The following CYREN variants were observed in gnomAD, a reference collection of about 807,000 sequenced individuals.
CYREN encodes the protein cell cycle regulator of non-homologous end joining.
Under a neutral mutation model 9.7 loss-of-function variants are expected in CYREN, and 7 were observed. The observed-to-expected ratio is 0.72, with a 90% CI of 0.41 to 1.36. The LOEUF (loss-of-function observed/expected upper bound fraction) is 1.36. Among genes scored for constraint, CYREN ranks in the 40% most tolerant of loss-of-function variants. The probability of loss-of-function intolerance (pLI) is 0.01; values close to 1 mark genes in which losing one functional copy is unlikely to be tolerated. For missense variants in CYREN, 215 were observed against 198.1 expected (o/e 1.09, Z -0.51); for synonymous variants, 76 against 77.9 (o/e 0.98, Z 0.13).
chr7:135,168,673 A>G, intron 2 of CYREN, 113 bp downstream of exon 2: 1 of 1,454,004 alleles, frequency 6.9e-7, no homozygotes, highest in South Asian at 1.3e-5. Context: ...GATCAGACTG[A>G]AACACCCGCC....
chr7:135,152,033 T>C (rs542566104), intron 2 of CYREN, among the ~76,000 whole-genome samples: 25 of 152,238 alleles, frequency 1.6e-4, no homozygotes, highest in Non-Finnish European at 2.8e-4. Context: ...CTCAGTTTTC[T>C]CTCTATCGTA....
chr7:135,129,512 T>C (rs1828433448), intron 2 of CYREN: 12 of 772,936 alleles, frequency 1.6e-5, no homozygotes, highest in East Asian at 4.9e-5. Context: ...AGAAATTAGA[T>C]GGATATAACA....
chr7:135,165,100 C>A, downstream of CYREN: 2 of 1,395,058 alleles, frequency 1.4e-6, no homozygotes, highest in Non-Finnish European at 1.9e-6. Context: ...CCAGCTCCAG[C>A]GATGGAACCC....
intron 2 of CYREN, among the ~76,000 whole-genome samples, chr7:135,153,593 T>C (rs1042371380): frequency 9.2e-5 from 14 of 152,196 alleles, no homozygotes; most frequent in African/African-American, 3.4e-4. Context: ...GTATGGAGAT[T>C]TCTCAAAGAA....
At chr7:135,172,358 C>T (rs979456743), upstream of CYREN, among the ~76,000 whole-genome samples, 33 of 151,056 alleles carry the variant, frequency 2.2e-4, no homozygotes, top group Admixed American at 2.0e-3. Context: ...TTTTGGTACT[C>T]GGATTTTGAA....
intron 2 of CYREN, among the ~76,000 whole-genome samples, chr7:135,105,373 A>G (rs1209444405): frequency 6.6e-6 from 1 of 152,166 alleles, no homozygotes; most frequent in African/African-American, 2.4e-5. Context: ...CCCAACCTAC[A>G]TTCAAGTTTT....
At chr7:135,143,548 G>A (rs925020315) in intron 2 of CYREN, among the ~76,000 whole-genome samples, 4 of 152,112 alleles carry the variant, frequency 2.6e-5, no homozygotes, top group Non-Finnish European at 4.4e-5. Context: ...AAAACTAGAC[G>A]GCTGAGGGTA....
intron 2 of CYREN, among the ~76,000 whole-genome samples, chr7:135,119,094 G>A (rs1826748195): frequency 6.6e-6 from 1 of 152,090 alleles, no homozygotes. Flanking sequence ...TGAATATAGG[G>A]CTGAAAAAGA....
In CYREN at chr7:135,105,314, C is replaced by T. The variant is rs929620704; in HGVS notation, n.357-10732G>A. ...TGAACTCCTGACCTCAGGTGATCCG[C>T]CTGCCTCGGTCTCCCAAAGTGCTGG... is the stretch of plus-strand genomic sequence containing the variant. On this transcript the variant is annotated intron_variant and non_coding_transcript_variant, in intron 2 of 2. Coordinates refer to the CYREN transcript ENST00000459937. Among the ~76,000 whole-genome samples, 6 of 135,962 alleles carry T rather than the reference C, an allele frequency of 4.4e-5. No homozygotes were observed. In the South Asian group the frequency reaches 1.4e-3, roughly 31 times the overall value. 89.2% of individuals were successfully genotyped at this position (135,962 alleles called of 152,430 possible). A position where few individuals can be genotyped will look rare whatever the true frequency, so the allele number is the denominator to read the frequency against.
At chr7:135,171,228 G>C (rs1370088662), upstream of CYREN, among the ~76,000 whole-genome samples, 1 of 152,058 alleles carries the variant, frequency 6.6e-6, no homozygotes, top group Non-Finnish European at 1.5e-5. Context: ...TATTAACCAA[G>C]GCTAGAAAGA....
At position 135,155,376 on chromosome 7, in the gene CYREN, G is replaced by A. The variant is rs569851074; in HGVS notation, n.356+13373C>T. Among the ~76,000 whole-genome samples, 4 of 152,172 alleles carry A rather than the reference G, an allele frequency of 2.6e-5. No homozygotes were observed. In the South Asian group the frequency reaches 8.3e-4, roughly 32 times the overall value. On this transcript the variant is annotated intron_variant and non_coding_transcript_variant, in intron 2 of 2. Transcript: ENST00000459937. ...CTTTGTTTCTGTTATATTGTTTATTGTTTTCAGGTTGTTTTATAGACTCTT... is the reference window on the plus strand; with the variant it reads ...CTTTGTTTCTGTTATATTGTTTATTATTTTCAGGTTGTTTTATAGACTCTT...
downstream of CYREN, chr7:135,165,052 T>G: frequency 6.6e-7 from 1 of 1,507,022 alleles, no homozygotes; most frequent in South Asian, 1.3e-5. Context: ...AGGTGGCACA[T>G]CTGCTCAGCC....
At chr7:135,104,936 C>T (rs1006451252) in intron 2 of CYREN, among the ~76,000 whole-genome samples, 1 of 152,012 alleles carries the variant, frequency 6.6e-6, no homozygotes, top group Non-Finnish European at 1.5e-5. Context: ...AATTAGATCT[C>T]ATTTGTCAAT....
At position 135,141,669 on chromosome 7, in the gene CYREN, T is replaced by G. The variant is rs548362529; in HGVS notation, n.356+27080A>C. 1.7e-3 allele frequency among the ~76,000 whole-genome samples: 259 copies of G among 152,158 alleles called. 2 individuals carry two copies. Among genetic ancestry groups the G allele is most frequent in the African/African-American group, 6.2e-3 (256 of 41,562 alleles). On this transcript the variant is annotated intron_variant and non_coding_transcript_variant, in intron 2 of 2. Transcript: ENST00000459937. ...AGATTGTAAATGTGAGATCTTTCTT[T>G]TGGATGTTGGCATTTAGTGCTACAA...
chr7:135,092,530 A>G (rs1265101318), exon 3 of CYREN: 2 of 152,194 alleles, frequency 1.3e-5, no homozygotes, highest in East Asian at 3.8e-4. Context: ...TTGTAATAGT[A>G]AGTGGTTGTG....
rs1179077009 is a variant in CYREN at position 135,109,045 on chromosome 7, G to A, written n.357-14463C>T. Among the ~76,000 whole-genome samples the A allele has an allele frequency of 2.8e-5, 4 of 140,448 alleles. No individual in the cohort carries two copies. In the Admixed American group the frequency reaches 2.9e-4, roughly 10 times the overall value. 92.1% of individuals were successfully genotyped at this position (140,448 alleles called of 152,430 possible). A position where few individuals can be genotyped will look rare whatever the true frequency, so the allele number is the denominator to read the frequency against. The stretch of plus-strand genomic sequence containing the variant: ...TTTATAGCTCTATAAGATCAGTTAG[G>A]TTCTTTTTTATACTGCCTATTTTGT... On this transcript the variant is annotated intron_variant and non_coding_transcript_variant, in intron 2 of 2. Transcript: ENST00000459937.
chr7:135,124,171 T>C (rs1358996356), intron 2 of CYREN, among the ~76,000 whole-genome samples: 1 of 148,454 alleles, frequency 6.7e-6, no homozygotes, highest in Admixed American at 6.7e-5. Context: ...AAGACACACA[T>C]AGGCTCAAAA....
At chr7:135,113,476 T>C (rs534077500) in intron 2 of CYREN, among the ~76,000 whole-genome samples, 1 of 152,228 alleles carries the variant, frequency 6.6e-6, no homozygotes, top group Non-Finnish European at 1.5e-5. Context: ...TAAACAGTTA[T>C]TAACAAAGCA....
At chr7:135,113,951 A>T (rs1585194533) in intron 2 of CYREN, among the ~76,000 whole-genome samples, 1 of 152,130 alleles carries the variant, frequency 6.6e-6, no homozygotes, top group African/African-American at 2.4e-5. Context: ...GACAAATGTG[A>T]TATTTGTCTT....
Sources: allele counts gnomAD v4.1 joint callset (sites outside exome capture counted in the v4.1 genomes callset), GRCh38; gene constraint gnomAD v4.1.1; transcripts MANE v1.5; gene names NCBI Gene and HGNC (gene_info 2026-07-23, HGNC 2026-07-21).